The following RUNX1 variants were observed in gnomAD, a reference collection of about 807,000 sequenced individuals.
RUNX1 encodes the protein runt-related transcription factor 1.
RUNX1 carries 19 observed loss-of-function variants against 42.8 expected under a neutral mutation model. The observed-to-expected ratio is 0.44, with a 90% CI of 0.31 to 0.65. The LOEUF is 0.65. Among genes scored for constraint, RUNX1 ranks in the 30% least tolerant of loss-of-function variants. The pLI is 0.07. For missense variants in RUNX1, 528 were observed against 672.0 expected (o/e 0.79, Z 2.37); for synonymous variants, 271 against 289.4 (o/e 0.94, Z 0.64).
intron 2 of RUNX1, among the ~76,000 whole-genome samples, chr21:34,997,676 GCT>G (rs1488607075): frequency 6.6e-6 from 1 of 152,236 alleles, no homozygotes; most frequent in East Asian, 1.9e-4. Context: ...AGGCTGAAGA[GCT>G]CTTTCTGTGT....
chr21:35,038,358 C>T (rs918230627), intron 2 of RUNX1: 14 of 337,132 alleles, frequency 4.2e-5, no homozygotes, highest in Non-Finnish European at 6.5e-5. Flanking sequence ...AAAGAAAACA[C>T]GATTCCTCCT....
chr21:34,989,400 C>T (rs2058919068), intron 2 of RUNX1, among the ~76,000 whole-genome samples: 1 of 151,914 alleles, frequency 6.6e-6, no homozygotes. Context: ...GATAGTTTTA[C>T]CTTTCTAGGA....
chr21:34,940,844 G>C (rs941110517), intron 2 of RUNX1, among the ~76,000 whole-genome samples: 21 of 152,196 alleles, frequency 1.4e-4, no homozygotes, highest in African/African-American at 4.1e-4. Flanking sequence ...CCTTTGGTTT[G>C]TGTTTTTGGC....
At chr21:34,931,349 T>C (rs1003304426) in intron 2 of RUNX1, among the ~76,000 whole-genome samples, 20 of 146,008 alleles carry the variant, frequency 1.4e-4, no homozygotes, top group South Asian at 2.1e-4. Context: ...TATATATATA[T>C]ACATGTGTAT....
At chr21:34,912,552 T>C (rs73373773) in intron 2 of RUNX1, among the ~76,000 whole-genome samples, 8,553 of 152,228 alleles carry the variant, frequency 0.056, 329 homozygotes, top group African/African-American at 0.099. Context: ...ATGGAAAACA[T>C]TTCTGGCCAA....
chr21:34,866,773 G>A (rs117483983), intron 5 of RUNX1, among the ~76,000 whole-genome samples: 6 of 152,296 alleles, frequency 3.9e-5, no homozygotes, highest in Admixed American at 2.6e-4. Context: ...ATACTTGTGT[G>A]CAAAGTGCCT....
intron 2 of RUNX1, among the ~76,000 whole-genome samples, chr21:35,000,411 T>A (rs987562823): frequency 1.8e-4 from 28 of 151,896 alleles, no homozygotes; most frequent in Admixed American, 6.6e-5. Flanking sequence ...TGACTAATTT[T>A]TTGTATTTTT....
intron 2 of RUNX1, among the ~76,000 whole-genome samples, chr21:34,895,797 T>C (rs913277271): frequency 1.3e-5 from 2 of 152,076 alleles, no homozygotes; most frequent in African/African-American, 4.8e-5. Flanking sequence ...TGAGGAAATG[T>C]GAACTTCAAC....
chr21:34,846,261 C>G (rs2057315348), intron 6 of RUNX1, among the ~76,000 whole-genome samples: 1 of 144,532 alleles, frequency 6.9e-6, no homozygotes, highest in Non-Finnish European at 1.5e-5. Context: ...AAGATTTCCC[C>G]TACTTAGAGC....
At chr21:35,024,431 T>C (rs1270770271) in intron 2 of RUNX1, among the ~76,000 whole-genome samples, 3 of 152,224 alleles carry the variant, frequency 2.0e-5, no homozygotes, top group Non-Finnish European at 2.9e-5. Context: ...GGAATCTCTC[T>C]CTCATAGCAA....
intron 7 of RUNX1, among the ~76,000 whole-genome samples, chr21:34,808,242 A>G (rs943704345): frequency 2.1e-4 from 32 of 152,184 alleles, no homozygotes; most frequent in African/African-American, 7.7e-4. Flanking sequence ...TGTTCCAGCA[A>G]TTACTTTGAA....
intron 2 of RUNX1, among the ~76,000 whole-genome samples, chr21:35,035,907 C>T (rs2059304134): frequency 6.6e-6 from 1 of 152,156 alleles, no homozygotes; most frequent in Non-Finnish European, 1.5e-5. Context: ...AAAACAACTC[C>T]AACTGCTTCC....
chr21:34,853,038 G>A (rs1276179337), intron 6 of RUNX1, among the ~76,000 whole-genome samples: 3 of 152,170 alleles, frequency 2.0e-5, no homozygotes, highest in Non-Finnish European at 4.4e-5. Flanking sequence ...TTGTTAAAGG[G>A]GGACCCAGAC....
At chr21:34,931,026 A>T (rs2058440500) in intron 2 of RUNX1, among the ~76,000 whole-genome samples, 1 of 152,058 alleles carries the variant, frequency 6.6e-6, no homozygotes, top group Non-Finnish European at 1.5e-5. Context: ...CATCACTGCC[A>T]CCCACTTCTC....
chr21:34,856,634 T>C (rs2057498686), intron 6 of RUNX1, among the ~76,000 whole-genome samples: 1 of 152,206 alleles, frequency 6.6e-6, no homozygotes, highest in African/African-American at 2.4e-5. Context: ...TCTGGGGCTA[T>C]TTTCCCTTAC....
rs143924016 is a variant in RUNX1 at position 34,943,599 on chromosome 21, C to T, written c.59-50636G>A. Among the ~76,000 whole-genome samples, 94 of 152,206 alleles carry T rather than the reference C, an allele frequency of 6.2e-4. 1 individual carries two copies. The highest frequency in any genetic ancestry group is 1.0e-3 in the Non-Finnish European group (71 of 67,996). ...TGGGGAGGGAACATGGAGTCAGTCC[C>T]GGTGTGGGGTCAATGATTTTACCAG... On this transcript the variant is annotated intron_variant, in intron 2 of 8. Coordinates refer to ENST00000675419, the MANE Select transcript of RUNX1 (RefSeq NM_001754.5).
At chr21:34,869,080 G>C (rs891865122) in intron 5 of RUNX1, among the ~76,000 whole-genome samples, 1 of 152,104 alleles carries the variant, frequency 6.6e-6, no homozygotes, top group Non-Finnish European at 1.5e-5. Flanking sequence ...CAGGACCAAG[G>C]AATATAAATT....
chr21:35,048,084 G>A (rs1188368334), intron 2 of RUNX1, among the ~76,000 whole-genome samples: 2 of 152,132 alleles, frequency 1.3e-5, no homozygotes, highest in African/African-American at 2.4e-5. Context: ...GTAATCTAAC[G>A]ACTTAAGCTG....
chr21:34,892,580 T>C (rs1159329580), intron 3 of RUNX1, among the ~76,000 whole-genome samples: 1 of 152,222 alleles, frequency 6.6e-6, no homozygotes, highest in Non-Finnish European at 1.5e-5. Context: ...AAATCTTGCA[T>C]TACCACTGCT....
Sources: allele counts gnomAD v4.1 joint callset (sites outside exome capture counted in the v4.1 genomes callset), GRCh38; gene constraint gnomAD v4.1.1; transcripts MANE v1.5; gene names NCBI Gene and HGNC (gene_info 2026-07-23, HGNC 2026-07-21).